DOK6: variants seen among roughly 807,000 people sequenced by gnomAD.
The protein encoded by DOK6 is docking protein 6.
Under a neutral mutation model 44.0 loss-of-function variants are expected in DOK6, and 22 were observed. That is an observed-to-expected ratio of 0.50 (90% CI 0.36 to 0.71). The LOEUF (loss-of-function observed/expected upper bound fraction) is 0.71. Among genes scored for constraint, DOK6 ranks in the 30% least tolerant of loss-of-function variants. DOK6 has a pLI of 0.00. For synonymous variants in DOK6, 166 were observed against 145.5 expected (o/e 1.14, Z -1.01); for missense variants, 340 against 416.4 (o/e 0.82, Z 1.60).
intron 1 of DOK6, among the ~76,000 whole-genome samples, chr18:69,411,319 T>G (rs1473126077): frequency 6.6e-6 from 1 of 152,164 alleles, no homozygotes; most frequent in East Asian, 1.9e-4. Context: ...CAAGAGGGGT[T>G]AAATGTTCAT....
chr18:69,543,727 T>G (rs1982328978), intron 1 of DOK6, among the ~76,000 whole-genome samples: 1 of 151,582 alleles, frequency 6.6e-6, no homozygotes, highest in Non-Finnish European at 1.5e-5. Flanking sequence ...TTTCTGCACC[T>G]TGATTTCTTC....
At chr18:69,586,512 C>G (rs78361339) in intron 2 of DOK6, among the ~76,000 whole-genome samples, 1 of 152,186 alleles carries the variant, frequency 6.6e-6, no homozygotes, top group African/African-American at 2.4e-5. Context: ...TTACAAAGAA[C>G]AGAGCAAGCC....
chr18:69,554,739 T>A (rs1460717282), intron 1 of DOK6, among the ~76,000 whole-genome samples: 2 of 151,964 alleles, frequency 1.3e-5, no homozygotes, highest in East Asian at 3.8e-4. Context: ...TGGTGCACAC[T>A]CTCTCCAGTA....
intron 1 of DOK6, among the ~76,000 whole-genome samples, chr18:69,558,177 TCA>T (rs1240778161): frequency 2.6e-5 from 4 of 152,104 alleles, no homozygotes; most frequent in Non-Finnish European, 5.9e-5. Context: ...TCCAACACTC[TCA>T]CATAAGGCAT....
intron 1 of DOK6, among the ~76,000 whole-genome samples, chr18:69,476,184 G>T (rs1980256225): frequency 6.6e-6 from 1 of 152,214 alleles, no homozygotes; most frequent in African/African-American, 2.4e-5. Flanking sequence ...TTCACTTGCT[G>T]CCCAACATTT....
chr18:69,754,050 T>C (rs2144751220), intron 6 of DOK6, among the ~76,000 whole-genome samples: 1 of 152,302 alleles, frequency 6.6e-6, no homozygotes, highest in South Asian at 2.1e-4. Context: ...ATCCTCCTGG[T>C]CAAATTGATG....
chr18:69,581,505 G>A lies in DOK6; in HGVS notation c.174+16911G>A, dbSNP rs148819195. The stretch of plus-strand genomic sequence containing the variant: ...ACAATTTTACTTTAGCTTTCTAATG[G>A]GAGGGAATTTTTTAGGCTGACAAAA... On this transcript the variant is annotated intron_variant, in intron 2 of 7. Transcript: ENST00000382713. Among the ~76,000 whole-genome samples, 1,031 of 152,184 alleles carry A rather than the reference G, an allele frequency of 6.8e-3. 5 individuals carry two copies. Among genetic ancestry groups the A allele is most frequent in the South Asian group, 0.012 (59 of 4,826 alleles).
intron 1 of DOK6, among the ~76,000 whole-genome samples, chr18:69,439,131 A>G (rs1198481164): frequency 6.6e-6 from 1 of 151,796 alleles, no homozygotes; most frequent in Admixed American, 6.6e-5. Flanking sequence ...GTAACCAGGT[A>G]TATTGTCAAT....
intron 3 of DOK6, among the ~76,000 whole-genome samples, chr18:69,627,585 A>T (rs974311255): frequency 1.3e-5 from 2 of 152,190 alleles, no homozygotes; most frequent in African/African-American, 4.8e-5. Context: ...AGTAGCTGGG[A>T]CTGCAGGCGC....
At chr18:69,751,013 A>G (rs1410775924) in intron 6 of DOK6, among the ~76,000 whole-genome samples, 1 of 152,230 alleles carries the variant, frequency 6.6e-6, no homozygotes. Flanking sequence ...ACACAAAAAG[A>G]CAAATACCAT....
intron 7 of DOK6, among the ~76,000 whole-genome samples, chr18:69,780,089 A>G (rs1980215433): frequency 6.6e-6 from 1 of 152,206 alleles, no homozygotes; most frequent in South Asian, 2.1e-4. Context: ...TTCTGAAAAT[A>G]TAATTGTTTA....
At chr18:69,491,933 G>T (rs1211569902) in intron 1 of DOK6, among the ~76,000 whole-genome samples, 1 of 152,172 alleles carries the variant, frequency 6.6e-6, no homozygotes, top group Non-Finnish European at 1.5e-5. Flanking sequence ...CAATCAATGT[G>T]CAGAGAACCA....
intron 2 of DOK6, among the ~76,000 whole-genome samples, chr18:69,592,497 A>G (rs1983645552): frequency 6.6e-6 from 1 of 152,100 alleles, no homozygotes; most frequent in African/African-American, 2.4e-5. Flanking sequence ...CTTTAAAATG[A>G]CAATTAAATA....
chr18:69,716,030 A>G (rs1986873794), intron 5 of DOK6, among the ~76,000 whole-genome samples: 1 of 152,240 alleles, frequency 6.6e-6, no homozygotes, highest in Non-Finnish European at 1.5e-5. Flanking sequence ...CATGAAGTCT[A>G]ATCAAAAGAA....
chr18:69,441,043 C>T (rs991801820), intron 1 of DOK6, among the ~76,000 whole-genome samples: 2 of 152,014 alleles, frequency 1.3e-5, no homozygotes, highest in African/African-American at 4.8e-5. Flanking sequence ...TAAAATTAAA[C>T]TTTTCAAATT....
chr18:69,842,823 G>T lies in DOK6; in HGVS notation c.*1440G>T, dbSNP rs752106356. On this transcript the variant is annotated 3_prime_UTR_variant, in exon 8 of 8. Coordinates refer to ENST00000382713, the MANE Select transcript of DOK6 (RefSeq NM_152721.6). Reference sequence around the variant, plus strand: ...TCATCTGATGCTTTGTGCCTAAGATGGTTATCTCTCAAATACTCTAGGGTG... The same window carrying T: ...TCATCTGATGCTTTGTGCCTAAGATTGTTATCTCTCAAATACTCTAGGGTG... The T allele has an allele frequency of 2.6e-5, 4 of 151,966 alleles. No individual in the cohort carries two copies. Among genetic ancestry groups the T allele is most frequent in the Non-Finnish European group, 4.4e-5 (3 of 68,012 alleles). The allele number at this position is 151,966 out of a possible 1,614,324, so 9.4% of individuals were successfully genotyped here. A position where few individuals can be genotyped will look rare whatever the true frequency, so the allele number is the denominator to read the frequency against.
intron 3 of DOK6, among the ~76,000 whole-genome samples, chr18:69,654,639 T>C (rs1459190797): frequency 1.3e-5 from 2 of 152,216 alleles, no homozygotes; most frequent in Admixed American, 1.3e-4. Context: ...CATATCCCAA[T>C]ATAAACTACT....
chr18:69,422,978 G>A (rs1413550668), intron 1 of DOK6, among the ~76,000 whole-genome samples: 2 of 152,112 alleles, frequency 1.3e-5, no homozygotes, highest in East Asian at 1.9e-4. Context: ...CTATATTTTA[G>A]AAAGTTCTTC....
At chr18:69,631,973 G>T (rs762880809) in intron 3 of DOK6, among the ~76,000 whole-genome samples, 1 of 152,094 alleles carries the variant, frequency 6.6e-6, no homozygotes, top group Non-Finnish European at 1.5e-5. Flanking sequence ...TTCATTGTAT[G>T]CCTTAAGCGT....
Sources: allele counts gnomAD v4.1 joint callset (sites outside exome capture counted in the v4.1 genomes callset), GRCh38; gene constraint gnomAD v4.1.1; transcripts MANE v1.5; gene names NCBI Gene and HGNC (gene_info 2026-07-23, HGNC 2026-07-21).